Variants in PGLYRP1 observed in about 807,000 individuals in gnomAD.
The protein encoded by PGLYRP1 is TNF superfamily, member 3 (LTB)-like (peptidoglycan recognition protein).
In PGLYRP1, 18 loss-of-function variants were observed where a neutral mutation model predicts 16.3. The observed-to-expected ratio is 1.11, with a 90% CI of 0.77 to 1.64. The LOEUF (loss-of-function observed/expected upper bound fraction) is 1.64. Ranked by LOEUF, PGLYRP1 falls within the 40% of genes most tolerant of loss-of-function variation. The pLI is 0.00. For missense variants in PGLYRP1, 261 were observed against 268.6 expected (o/e 0.97, Z 0.20); for synonymous variants, 89 against 105.7 (o/e 0.84, Z 0.97).
chr19:46,021,368 G>C (rs1243606699), intron 1 of PGLYRP1: 1 of 151,412 alleles, frequency 6.6e-6, no homozygotes, highest in Non-Finnish European at 1.5e-5. Flanking sequence ...GGTGGGTTTT[G>C]TGTGTGTGTG....
intron 1 of PGLYRP1, among the ~76,000 whole-genome samples, chr19:46,022,333 C>T (rs905189336): frequency 1.3e-5 from 2 of 152,240 alleles, no homozygotes; most frequent in Non-Finnish European, 2.9e-5. Context: ...CAGGCCTCAG[C>T]CAGCAATAAG....
In PGLYRP1 at chr19:46,020,538, G is replaced by A. The variant is rs373643479; in HGVS notation, c.288-891C>T. 3.3e-5 allele frequency among the ~76,000 whole-genome samples: 5 copies of A among 152,188 alleles called. No homozygotes were observed. The South Asian group carries it at 8.3e-4, about 25-fold the overall frequency. The stretch of plus-strand genomic sequence containing the variant: ...CTGCCTTTGCCCCAGCTTGCTTCCT[G>A]CCCTCGGGGTCCACTGGGGGACAGG... On this transcript the variant is annotated intron_variant, in intron 1 of 2. Coordinates refer to ENST00000008938, the MANE Select transcript of PGLYRP1 (RefSeq NM_005091.3).
chr19:46,020,959 C>T (rs73570785), intron 1 of PGLYRP1: 8,340 of 152,680 alleles, frequency 0.055, 612 homozygotes, highest in African/African-American at 0.16. Flanking sequence ...TTCCCGGAGC[C>T]TGGCATGATG....
chr19:46,022,478 C>CCCCTT (rs1969055089), intron 1 of PGLYRP1, among the ~76,000 whole-genome samples: 1 of 152,286 alleles, frequency 6.6e-6, no homozygotes, highest in Non-Finnish European at 1.5e-5. Context: ...GCAAAGCCTG[C>CCCCTT]CCCTTCTTCC....
At chr19:46,020,170 G>A (rs1367105121) in intron 1 of PGLYRP1, among the ~76,000 whole-genome samples, 2 of 149,476 alleles carry the variant, frequency 1.3e-5, no homozygotes, top group East Asian at 2.0e-4. Flanking sequence ...GTGCAGTGGC[G>A]TGATCTCAGC....
chr19:46,021,773 A>G (rs1005576840), intron 1 of PGLYRP1, among the ~76,000 whole-genome samples: 1 of 152,110 alleles, frequency 6.6e-6, no homozygotes, highest in African/African-American at 2.4e-5. Context: ...TGGTCCACAA[A>G]GCCCTGCCTG....
At position 46,019,386 on chromosome 19, in the gene PGLYRP1, G is replaced by T; in HGVS notation, c.443C>A (p.Ala148Asp). The change falls in exon 3 of 3, where the codon GCC (alanine) becomes GAC (aspartate). Residue 148 changes from alanine to aspartate, a missense_variant. Transcript: ENST00000008938. The surrounding 1 kb of genome is among the most constrained non-coding windows in gnomAD (Gnocchi z 4.8). ...RVPTPQAIRA[A>D]QGLLACGVAQ... is the part of the protein sequence containing the mutation. ...CACACCGCAGGCCAGTAGACCCTGG[G>T]CTGCCCGGATGGCCTGGGGTGTGGG... The T allele has an allele frequency of 6.2e-7, 1 of 1,613,718 alleles. No individual in the cohort carries two copies.
chr19:46,022,788 C>G lies in PGLYRP1; in HGVS notation c.234G>C (p.Arg78=). The part of the protein sequence containing the change: ...NTPASCQQQA[R]NVQHYHMKTL... ...TCTTCATGTGGTAGTGCTGCACATT[C>G]CGGGCCTGCTGCTGGCACGAGGCGG... The change falls in exon 1 of 3, where the codon CGG becomes CGC. Residue 78 remains arginine (R), a synonymous_variant. Transcript: ENST00000008938. 6.2e-7 allele frequency: 1 copy of G among 1,614,200 alleles called. No homozygotes were observed. Among genetic ancestry groups the G allele is most frequent in the Non-Finnish European group, 8.5e-7 (1 of 1,180,024 alleles).
chr19:46,019,235 G>T lies in PGLYRP1; in HGVS notation c.*3C>A. The T allele has an allele frequency of 1.2e-6, 2 of 1,613,480 alleles. No homozygotes were observed. The highest frequency in any genetic ancestry group is 1.7e-6 in the Non-Finnish European group (2 of 1,179,576). ...GAGGAATGGGGTGCGGATCAGCAGGGCCTCAGGGGGAGCGGTAGTGTGGCC... is the reference window on the plus strand; with the variant it reads ...GAGGAATGGGGTGCGGATCAGCAGGTCCTCAGGGGGAGCGGTAGTGTGGCC... On this transcript the variant is annotated 3_prime_UTR_variant, in exon 3 of 3. Transcript: ENST00000008938. The surrounding 1 kb of genome is among the most constrained non-coding windows in gnomAD (Gnocchi z 4.8).
chr19:46,020,399 C>T (rs760486518), intron 1 of PGLYRP1, among the ~76,000 whole-genome samples: 2 of 152,148 alleles, frequency 1.3e-5, no homozygotes, highest in Admixed American at 6.5e-5. Context: ...CATGAGTCAC[C>T]GTGCCCAGCC....
Position 46,019,156 on chromosome 19 carries a change from T to G in PGLYRP1, c.*82A>C. On this transcript the variant is annotated 3_prime_UTR_variant, in exon 3 of 3. Transcript: ENST00000008938. The surrounding 1 kb of genome is among the most constrained non-coding windows in gnomAD (Gnocchi z 4.8). ...GTGGGACCTGCTGAGGAACACATTT[T>G]GAGCTACATCTTTATTGGAGAAGGA... The G allele has an allele frequency of 2.5e-5, 32 of 1,284,726 alleles. No individual in the cohort carries two copies. Among genetic ancestry groups the G allele is most frequent in the Non-Finnish European group, 3.3e-5 (29 of 888,072 alleles). 79.6% of individuals were successfully genotyped at this position (1,284,726 alleles called of 1,614,324 possible). A position where few individuals can be genotyped will look rare whatever the true frequency, so the allele number is the denominator to read the frequency against.
Position 46,022,864 on chromosome 19 carries a change from G to A in PGLYRP1, c.158C>T (p.Pro53Leu). ...GTGCGATACCACCACATAGCGTAAG[G>A]GCAGGCTCAGGTGCTGGGCGCACTC... ...ASECAQHLSL[P>L]LRYVVVSHTA... The change falls in exon 1 of 3, where the codon CCC becomes CTC. Residue 53 changes from proline (P) to leucine (L), a missense_variant. Physicochemically the swap from Pro to Leu is moderately conservative, Grantham distance 98. Transcript: ENST00000008938. 1 of 1,613,410 alleles carries A rather than the reference G, an allele frequency of 6.2e-7. No individual in the cohort carries two copies. The highest frequency in any genetic ancestry group is 8.5e-7 in the Non-Finnish European group (1 of 1,179,718).
chr19:46,022,998 A>G lies in PGLYRP1; in HGVS notation c.24T>C (p.Leu8=), dbSNP rs1426316286. The change falls in exon 1 of 3, where the codon CTT becomes CTC. Residue 8 remains leucine, a synonymous_variant. Transcript: ENST00000008938. MSRRSML[L]AWALPSLLRL... ...GAAGGAGGCTGGGGAGAGCCCAGGC[A>G]AGCAGCATAGAGCGGCGGGACATAG... 1 of 1,584,868 alleles carries G rather than the reference A, an allele frequency of 6.3e-7. No homozygotes were observed. Among genetic ancestry groups the G allele is most frequent in the Admixed American group, 1.8e-5 (1 of 56,522 alleles).
Position 46,019,372 on chromosome 19 carries a change from C to A in PGLYRP1, c.457G>T (p.Ala153Ser). Residue 153 changes from alanine (A) to serine (S), a missense_variant, in exon 3 of 3, where the codon GCC (alanine) becomes TCC (serine). By Grantham distance (99) the Ala-to-Ser change is moderately conservative (BLOSUM62 1). Coordinates refer to ENST00000008938, the MANE Select transcript of PGLYRP1 (RefSeq NM_005091.3). The surrounding 1 kb of genome is among the most constrained non-coding windows in gnomAD (Gnocchi z 4.8). ...AGGGCTCCCTGAGCCACACCGCAGG[C>A]CAGTAGACCCTGGGCTGCCCGGATG... ...QAIRAAQGLL[A>S]CGVAQGALRS... 1.2e-6 allele frequency: 2 copies of A among 1,613,784 alleles called. No individual in the cohort carries two copies. Among genetic ancestry groups the A allele is most frequent in the East Asian group, 2.2e-5 (1 of 44,848 alleles).
chr19:46,022,719 C>G lies in PGLYRP1; in HGVS notation c.287+16G>C. 1 of 1,613,700 alleles carries G rather than the reference C, an allele frequency of 6.2e-7. No individual in the cohort carries two copies. On this transcript the variant is annotated intron_variant, in intron 1 of 2. Transcript: ENST00000008938. ...TGGGATCCCCAGTCCAGCCCGTGCC[C>G]CCCTGCCACACTCACTTGTAGCCCA... is the stretch of plus-strand genomic sequence containing the variant.
At position 46,022,966 on chromosome 19, in the gene PGLYRP1, C is replaced by A; in HGVS notation, c.56G>T (p.Gly19Val). Residue 19 changes from glycine to valine, a missense_variant, in exon 1 of 3, where the codon GGA becomes GTA. Gly to Val is a moderately radical substitution (Grantham distance 109). Coordinates refer to ENST00000008938, the MANE Select transcript of PGLYRP1 (RefSeq NM_005091.3). ...CGGGTCTTCTGTCTCCTGAGCCGCTCCGAGTCGAAGGAGGCTGGGGAGAGC... is the reference window on the plus strand; with the variant it reads ...CGGGTCTTCTGTCTCCTGAGCCGCTACGAGTCGAAGGAGGCTGGGGAGAGC... The part of the protein sequence containing the change: ...AWALPSLLRL[G>V]AAQETEDPAC... The A allele has an allele frequency of 6.2e-7, 1 of 1,604,740 alleles. No individual in the cohort carries two copies. The highest frequency in any genetic ancestry group is 8.5e-7 in the Non-Finnish European group (1 of 1,175,408).
In PGLYRP1 at chr19:46,022,972, C is replaced by T. The variant is rs754513713; in HGVS notation, c.50G>A (p.Arg17Gln). 3.7e-6 allele frequency: 6 copies of T among 1,602,414 alleles called. No individual in the cohort carries two copies. Among genetic ancestry groups the T allele is most frequent in the East Asian group, 2.2e-5 (1 of 44,592 alleles). Residue 17 changes from arginine (R) to glutamine (Q), a missense_variant, in exon 1 of 3, where the codon CGA (arginine) becomes CAA (glutamine). Coordinates refer to ENST00000008938, the MANE Select transcript of PGLYRP1 (RefSeq NM_005091.3). ...TTCTGTCTCCTGAGCCGCTCCGAGT[C>T]GAAGGAGGCTGGGGAGAGCCCAGGC... ...LLAWALPSLL[R>Q]LGAAQETEDP...
chr19:46,021,942 C>T (rs1471279767), intron 1 of PGLYRP1, among the ~76,000 whole-genome samples: 1 of 152,190 alleles, frequency 6.6e-6, no homozygotes, highest in African/African-American at 2.4e-5. Context: ...CCAAGGCAGC[C>T]ACTCTCAGGG....
rs747569225 is a variant in PGLYRP1, at chr19:46,022,816, G to T, written c.206C>A (p.Thr69Asn). ...GGCCTGCTGCTGGCACGAGGCGGGGGTGTTGCAGCTGCTGCCCGCCGTGTG... is the reference window on the plus strand; with the variant it reads ...GGCCTGCTGCTGGCACGAGGCGGGGTTGTTGCAGCTGCTGCCCGCCGTGTG... ...VSHTAGSSCN[T>N]PASCQQQARN... The change falls in exon 1 of 3, where the codon ACC (threonine) becomes AAC (asparagine). Residue 69 changes from threonine to asparagine, a missense_variant. Physicochemically the swap from Thr to Asn is moderately conservative, Grantham distance 65. Transcript: ENST00000008938. 32 of 1,613,902 alleles carry T rather than the reference G, an allele frequency of 2.0e-5. No homozygotes were observed. Among genetic ancestry groups the T allele is most frequent in the African/African-American group, 4.0e-5 (3 of 74,948 alleles).
Sources: allele counts gnomAD v4.1 joint callset (sites outside exome capture counted in the v4.1 genomes callset), GRCh38; gene constraint gnomAD v4.1.1; non-coding constraint Gnocchi (gnomAD v3.1); transcripts MANE v1.5; gene names NCBI Gene and HGNC (gene_info 2026-07-23, HGNC 2026-07-21).